THSD7B: variants seen among roughly 807,000 people sequenced by gnomAD.
THSD7B encodes thrombospondin type 1 domain containing 7B, also known as thrombospondin type-1 domain-containing protein 7B.
THSD7B carries 138 observed loss-of-function variants against 213.6 expected under a neutral mutation model. That is an observed-to-expected ratio of 0.65 (90% CI 0.56 to 0.74). The LOEUF (loss-of-function observed/expected upper bound fraction) is 0.74, where lower values mean the gene tolerates loss of function less well. Ranked by LOEUF, THSD7B falls within the 30% of genes least tolerant of loss-of-function variation. The pLI, the probability that THSD7B is intolerant of heterozygous loss-of-function variation, is 0.00. For synonymous variants in THSD7B, 742 were observed against 687.0 expected (o/e 1.08, Z -1.25); for missense variants, 1,931 against 1,991.5 (o/e 0.97, Z 0.58).
At chr2:136,859,399 T>G (rs1202417019) in intron 1 of THSD7B, among the ~76,000 whole-genome samples, 8 of 152,216 alleles carry the variant, frequency 5.3e-5, no homozygotes, top group Non-Finnish European at 1.0e-4. Context: ...AAAAATTCTC[T>G]TCTCGAATAA....
chr2:136,803,139 G>A (rs1682219189), intron 1 of THSD7B, among the ~76,000 whole-genome samples: 1 of 151,678 alleles, frequency 6.6e-6, no homozygotes, highest in Non-Finnish European at 1.5e-5. Context: ...ATATTTCCTG[G>A]AATATAAATA....
chr2:137,202,378 G>C (rs564060162), intron 7 of THSD7B, among the ~76,000 whole-genome samples: 75 of 152,186 alleles, frequency 4.9e-4, no homozygotes, highest in African/African-American at 1.8e-3. Context: ...GTCATCCCAA[G>C]TGTCCTCATA....
At chr2:137,246,262 A>G (rs1055836456) in intron 10 of THSD7B, among the ~76,000 whole-genome samples, 3 of 152,172 alleles carry the variant, frequency 2.0e-5, no homozygotes, top group Admixed American at 6.5e-5. Flanking sequence ...TTGGGTCATC[A>G]AAGTTGAGAA....
chr2:137,316,124 T>A (rs1488124517), intron 12 of THSD7B, among the ~76,000 whole-genome samples: 1 of 152,236 alleles, frequency 6.6e-6, no homozygotes, highest in African/African-American at 2.4e-5. Context: ...GGAAATATGT[T>A]GACAATTATA....
intron 7 of THSD7B, among the ~76,000 whole-genome samples, chr2:137,183,030 C>G (rs1680484289): frequency 1.3e-5 from 2 of 151,996 alleles, no homozygotes; most frequent in African/African-American, 4.8e-5. Context: ...AAAAAACTTA[C>G]TTAAATACTT....
intron 7 of THSD7B, among the ~76,000 whole-genome samples, chr2:137,204,455 A>G (rs1680941694): frequency 6.6e-6 from 1 of 152,088 alleles, no homozygotes; most frequent in African/African-American, 2.4e-5. Context: ...GTTATTTTGC[A>G]GGTCACTTTA....
At position 137,659,409 on chromosome 2, in the gene THSD7B, G is replaced by A. The variant is rs150849941; in HGVS notation, c.4376-255G>A. Among the ~76,000 whole-genome samples the A allele has an allele frequency of 2.3e-3, 349 of 152,176 alleles. 1 individual carries two copies. The highest frequency in any genetic ancestry group is 1.3e-3 in the Non-Finnish European group (89 of 67,992). ...ATAGACTTTGTGCTCAAGCATAGCC[G>A]TATGATAGAATCACATCGCCAATAA... On this transcript the variant is annotated intron_variant, in intron 24 of 27. Transcript: ENST00000409968.
intron 7 of THSD7B, among the ~76,000 whole-genome samples, chr2:137,229,591 G>A (rs1487240934): frequency 2.0e-5 from 3 of 152,142 alleles, no homozygotes; most frequent in Admixed American, 2.0e-4. Flanking sequence ...CAGTCTTGCT[G>A]ACTGTCAGCT....
intron 12 of THSD7B, among the ~76,000 whole-genome samples, chr2:137,320,629 GAAT>G (rs1014468747): frequency 4.6e-4 from 70 of 152,278 alleles, no homozygotes; most frequent in African/African-American, 1.6e-3. Flanking sequence ...TATTTAAATG[GAAT>G]AATAAGTTTT....
At chr2:137,107,080 G>A (rs953369587) in intron 4 of THSD7B, among the ~76,000 whole-genome samples, 5 of 152,012 alleles carry the variant, frequency 3.3e-5, no homozygotes, top group African/African-American at 9.7e-5. Flanking sequence ...TACTATAAAG[G>A]CACAGGCACA....
At chr2:137,043,840 T>A (rs1456366398) in intron 2 of THSD7B, among the ~76,000 whole-genome samples, 1 of 152,184 alleles carries the variant, frequency 6.6e-6, no homozygotes, top group Non-Finnish European at 1.5e-5. Flanking sequence ...AATTCAAAAA[T>A]GTCTTCCACC....
At chr2:137,080,193 T>C (rs1309705793) in intron 3 of THSD7B, among the ~76,000 whole-genome samples, 1 of 151,296 alleles carries the variant, frequency 6.6e-6, no homozygotes, top group East Asian at 1.9e-4. Context: ...TGTGTATATA[T>C]ATATAATTGT....
At chr2:136,897,667 C>G (rs1030335562) in intron 2 of THSD7B, among the ~76,000 whole-genome samples, 2 of 152,214 alleles carry the variant, frequency 1.3e-5, no homozygotes, top group Non-Finnish European at 2.9e-5. Flanking sequence ...CTTATTTGAC[C>G]CTGGCTATGT....
At position 137,663,498 on chromosome 2, in the gene THSD7B, T is replaced by G. The variant is rs531358921; in HGVS notation, c.4574T>G (p.Leu1525Arg). Residue 1525 changes from leucine to arginine, a missense_variant, in exon 26 of 28, where the codon CTT (leucine) becomes CGT (arginine). Coordinates refer to ENST00000409968, the MANE Select transcript of THSD7B (RefSeq NM_001316349.2). Reference protein sequence around the residue: ...SEDKKADVKNLSGKNRPVNSK... With the variant: ...SEDKKADVKNRSGKNRPVNSK... ...GATAAAAAAGCTGATGTGAAAAACC[T>G]TTCTGGGAAAAACAGACCTGTGAAT... The G allele has an allele frequency of 9.3e-6, 15 of 1,606,210 alleles. No individual in the cohort carries two copies. In the South Asian group the frequency reaches 1.7e-4, roughly 18 times the overall value.
intron 2 of THSD7B, among the ~76,000 whole-genome samples, chr2:136,973,109 C>T (rs912882018): frequency 5.9e-5 from 9 of 152,174 alleles, no homozygotes; most frequent in African/African-American, 2.2e-4. Flanking sequence ...TACCACCATC[C>T]TTTAAGGCAA....
Position 137,546,414 on chromosome 2 carries a change from ATTATATATAT to A in THSD7B, c.3139-16805_3139-16796del, listed in dbSNP as rs1558834314. Among the ~76,000 whole-genome samples, 5 of 32,996 alleles carry A rather than the reference ATTATATATAT, an allele frequency of 1.5e-4. 1 individual carries two copies. The highest frequency in any genetic ancestry group is 9.4e-4 in the African/African-American group (5 of 5,312). 21.6% of individuals were successfully genotyped at this position (32,996 alleles called of 152,430 possible). A position where few individuals can be genotyped will look rare whatever the true frequency, so the allele number is the denominator to read the frequency against. The stretch of plus-strand genomic sequence containing the variant: ...TATATATTATATATATTATATATAT[ATTATATATAT>A]TATATATATATTATATATATTATAT... On this transcript the variant is annotated intron_variant, in intron 15 of 27. Transcript: ENST00000409968.
rs192214001 is a variant in THSD7B, at chr2:136,895,813, G to A, written c.139+13496G>A. 4.2e-3 allele frequency among the ~76,000 whole-genome samples: 636 copies of A among 151,906 alleles called. 5 individuals carry two copies. The highest frequency in any genetic ancestry group is 0.014 in the African/African-American group (600 of 41,444). On this transcript the variant is annotated intron_variant, in intron 2 of 27. Transcript: ENST00000409968. Reference sequence around the variant, plus strand: ...CCAGGCAACCACTAATCTACTTTCCGTCTCAATAAATTGTCTTCTCTGGAT... The same window carrying A: ...CCAGGCAACCACTAATCTACTTTCCATCTCAATAAATTGTCTTCTCTGGAT...
At chr2:137,160,413 A>C in intron 6 of THSD7B, 45 bp downstream of exon 6, 2 of 1,599,610 alleles carry the variant, frequency 1.3e-6, no homozygotes, top group Non-Finnish European at 1.7e-6. Context: ...TCAGCGTACA[A>C]ACATTTATTC....
intron 1 of THSD7B, among the ~76,000 whole-genome samples, chr2:136,870,971 G>A (rs554093599): frequency 1.3e-5 from 2 of 152,036 alleles, no homozygotes; most frequent in African/African-American, 4.8e-5. Flanking sequence ...GGGAGAATTG[G>A]TGTCTTGCAT....
Sources: gnomAD v4.1 joint callset for allele counts (sites outside exome capture counted in the v4.1 genomes callset) on GRCh38, gnomAD v4.1.1 for gene constraint, MANE v1.5 for transcripts, NCBI Gene and HGNC (gene_info 2026-07-23, HGNC 2026-07-21) for gene names.